Variants in INPP4B observed in about 807,000 individuals in gnomAD.
INPP4B encodes inositol polyphosphate-4-phosphatase type II B, also known as inositol polyphosphate 4-phosphatase type II.
A neutral mutation model predicts 122.5 loss-of-function variants in INPP4B; 55 were observed. The observed-to-expected ratio is 0.45, with a 90% CI of 0.36 to 0.56. INPP4B has a LOEUF of 0.56. Among genes scored for constraint, INPP4B ranks in the 20% least tolerant of loss-of-function variants. The probability of loss-of-function intolerance (pLI) is 0.00; values close to 1 mark genes in which losing one functional copy is unlikely to be tolerated. For missense variants in INPP4B, 1,000 were observed against 1,097.7 expected, an observed-to-expected ratio of 0.91 and a Z score of 1.26; for synonymous variants, 403 against 388.7, an observed-to-expected ratio of 1.04 and a Z score of -0.43.
intron 1 of INPP4B, among the ~76,000 whole-genome samples, chr4:142,744,489 A>G (rs1768383001): frequency 6.6e-6 from 1 of 151,862 alleles, no homozygotes; most frequent in Non-Finnish European, 1.5e-5. Context: ...GAAATCCCCA[A>G]ACACGTCATG....
At chr4:142,807,294 T>C (rs1312150629) in intron 1 of INPP4B, among the ~76,000 whole-genome samples, 1 of 152,186 alleles carries the variant, frequency 6.6e-6, no homozygotes, top group East Asian at 1.9e-4. Context: ...GTACCAATTT[T>C]GAAAACAGAC....
chr4:142,178,941 T>G (rs2152968983), intron 15 of INPP4B, among the ~76,000 whole-genome samples: 1 of 152,200 alleles, frequency 6.6e-6, no homozygotes, highest in East Asian at 1.9e-4. Context: ...AAATTCACAC[T>G]TTAGTGTACT....
At chr4:142,803,704 A>G (rs1281520540) in intron 1 of INPP4B, among the ~76,000 whole-genome samples, 2 of 151,910 alleles carry the variant, frequency 1.3e-5, no homozygotes, top group African/African-American at 2.4e-5. Context: ...TTTATGAAGT[A>G]AGCAAGACAC....
intron 3 of INPP4B, among the ~76,000 whole-genome samples, chr4:142,445,755 G>C (rs1462781644): frequency 6.6e-6 from 1 of 152,060 alleles, no homozygotes; most frequent in African/African-American, 2.4e-5. Flanking sequence ...AGTGCTTATG[G>C]AATATTCACT....
chr4:142,239,728 A>G (rs944901045), intron 11 of INPP4B, among the ~76,000 whole-genome samples: 5 of 152,278 alleles, frequency 3.3e-5, no homozygotes, highest in Admixed American at 2.6e-4. Flanking sequence ...TTCCCAATAT[A>G]TCTAACATGG....
intron 1 of INPP4B, among the ~76,000 whole-genome samples, chr4:142,834,215 G>T (rs1299041044): frequency 6.6e-6 from 1 of 152,028 alleles, no homozygotes; most frequent in Non-Finnish European, 1.5e-5. Flanking sequence ...AATAAATAAG[G>T]ATAAGCACAT....
chr4:142,566,214 G>A (rs550002847), intron 2 of INPP4B: 1 of 152,206 alleles, frequency 6.6e-6, no homozygotes, highest in East Asian at 1.9e-4. Context: ...TGAAGGGGGT[G>A]GAAATGAAAG....
intron 17 of INPP4B, among the ~76,000 whole-genome samples, chr4:142,152,219 C>T (rs563822466): frequency 2.6e-5 from 4 of 151,294 alleles, no homozygotes; most frequent in Non-Finnish European, 1.5e-5. Context: ...GGACTACAGG[C>T]GCCCACCACC....
chr4:142,381,675 G>A (rs1219094262), intron 7 of INPP4B, among the ~76,000 whole-genome samples: 1 of 152,016 alleles, frequency 6.6e-6, no homozygotes, highest in Admixed American at 6.6e-5. Flanking sequence ...TTGTAGTGTA[G>A]TTTAATTTTC....
chr4:142,369,083 G>T (rs1788713304), intron 7 of INPP4B, among the ~76,000 whole-genome samples: 1 of 152,010 alleles, frequency 6.6e-6, no homozygotes, highest in African/African-American at 2.4e-5. Context: ...AAAAAGTAGG[G>T]AACATTAGAA....
chr4:142,669,768 T>C (rs542816119), intron 2 of INPP4B, among the ~76,000 whole-genome samples: 1 of 152,302 alleles, frequency 6.6e-6, no homozygotes, highest in Admixed American at 6.5e-5. Flanking sequence ...TTTTGGATAT[T>C]ACCCCAAAAG....
intron 2 of INPP4B, among the ~76,000 whole-genome samples, chr4:142,684,475 C>A (rs1225480385): frequency 2.0e-5 from 3 of 151,914 alleles, no homozygotes; most frequent in African/African-American, 7.2e-5. Flanking sequence ...TGAATGAAGT[C>A]TTCTATAAAA....
chr4:142,089,940 G>A (rs983133816), intron 23 of INPP4B, among the ~76,000 whole-genome samples: 2 of 152,150 alleles, frequency 1.3e-5, no homozygotes, highest in African/African-American at 2.4e-5. Flanking sequence ...CTAAAACTTT[G>A]TCTCTTAACT....
intron 2 of INPP4B, among the ~76,000 whole-genome samples, chr4:142,522,292 T>C (rs1233252812): frequency 6.6e-6 from 1 of 151,954 alleles, no homozygotes; most frequent in Admixed American, 6.6e-5. Context: ...TTGTGTCATG[T>C]AGACATTTAC....
chr4:142,331,437 A>G (rs545445543), intron 7 of INPP4B, among the ~76,000 whole-genome samples: 1 of 152,290 alleles, frequency 6.6e-6, no homozygotes, highest in South Asian at 2.1e-4. Context: ...CCTGGCTGCA[A>G]CTGGCATAGG....
intron 7 of INPP4B, among the ~76,000 whole-genome samples, chr4:142,332,729 G>A (rs998523043): frequency 6.6e-6 from 1 of 151,806 alleles, no homozygotes; most frequent in Admixed American, 6.6e-5. Context: ...ATGGGGCCCT[G>A]CGCAGTGGCT....
At chr4:142,760,614 C>T (rs1390068491) in intron 1 of INPP4B, among the ~76,000 whole-genome samples, 2 of 151,970 alleles carry the variant, frequency 1.3e-5, no homozygotes, top group Non-Finnish European at 2.9e-5. Flanking sequence ...CTGGGAAAGT[C>T]ATGTTACATG....
At chr4:142,329,163 A>T (rs2151510600) in intron 7 of INPP4B, among the ~76,000 whole-genome samples, 1 of 152,376 alleles carries the variant, frequency 6.6e-6, no homozygotes, top group South Asian at 2.1e-4. Flanking sequence ...AAAGTAAAAT[A>T]TTAAAATACG....
intron 2 of INPP4B, among the ~76,000 whole-genome samples, chr4:142,571,272 C>G (rs1732763237): frequency 6.6e-6 from 1 of 151,884 alleles, no homozygotes; most frequent in Non-Finnish European, 1.5e-5. Context: ...CCCCAGCAAC[C>G]TAGTTATCCT....
Sources: gnomAD v4.1 joint callset for allele counts (sites outside exome capture counted in the v4.1 genomes callset) on GRCh38, gnomAD v4.1.1 for gene constraint, MANE v1.5 for transcripts, NCBI Gene and HGNC (gene_info 2026-07-23, HGNC 2026-07-21) for gene names.